PPP3CA: variants seen among roughly 807,000 people sequenced by gnomAD.
PPP3CA encodes the protein CAM-PRP catalytic subunit.
In PPP3CA, 14 loss-of-function variants were observed where a neutral mutation model predicts 66.5. The ratio of observed to expected loss-of-function variants is 0.21; its 90% CI spans 0.14 to 0.33. The LOEUF is 0.33. Ranked by LOEUF, PPP3CA falls within the 10% of genes least tolerant of loss-of-function variation. The pLI is 1.00. For synonymous variants in PPP3CA, 232 were observed against 226.2 expected, an observed-to-expected ratio of 1.03 and a Z score of -0.23; for missense variants, 317 against 639.5, an observed-to-expected ratio of 0.50 and a Z score of 5.44.
At chr4:101,090,587 AG>A in intron 6 of PPP3CA, among the ~76,000 whole-genome samples, 1 of 141,472 alleles carries the variant, frequency 7.1e-6, no homozygotes, top group Non-Finnish European at 1.5e-5. Flanking sequence ...GGTTGTGGTG[AG>A]CCGAGATCGC....
intron 2 of PPP3CA, among the ~76,000 whole-genome samples, chr4:101,131,066 G>T (rs191326290): frequency 1.3e-5 from 2 of 151,756 alleles, no homozygotes; most frequent in African/African-American, 4.8e-5. Flanking sequence ...GTGAAACCCC[G>T]TCTCTACTAA....
intron 2 of PPP3CA, among the ~76,000 whole-genome samples, chr4:101,191,045 G>A (rs1724585625): frequency 6.6e-6 from 1 of 152,186 alleles, no homozygotes. Context: ...TTTAAGGCAA[G>A]GTCTTCAGCT....
chr4:101,321,022 T>C (rs1045191464), intron 1 of PPP3CA, among the ~76,000 whole-genome samples: 1 of 152,228 alleles, frequency 6.6e-6, no homozygotes, highest in African/African-American at 2.4e-5. Context: ...GATGTTTGTG[T>C]ATGTGCTTAA....
At chr4:101,092,173 A>G (rs1292374723) in intron 6 of PPP3CA, among the ~76,000 whole-genome samples, 4 of 152,172 alleles carry the variant, frequency 2.6e-5, no homozygotes, top group African/African-American at 9.6e-5. Context: ...AAAATGTAAA[A>G]ATTATTATAA....
chr4:101,113,412 G>C (rs553683026), intron 2 of PPP3CA, among the ~76,000 whole-genome samples: 8 of 152,172 alleles, frequency 5.3e-5, no homozygotes, highest in African/African-American at 1.9e-4. Flanking sequence ...TATGTGTGGA[G>C]GAGATGAACA....
chr4:101,073,282 T>C (rs1306143521), intron 8 of PPP3CA, among the ~76,000 whole-genome samples: 2 of 150,172 alleles, frequency 1.3e-5, no homozygotes. Flanking sequence ...TTACATACTT[T>C]TTTTTTTTTT....
chr4:101,271,666 C>T (rs1727339936), intron 1 of PPP3CA, among the ~76,000 whole-genome samples: 1 of 152,184 alleles, frequency 6.6e-6, no homozygotes, highest in African/African-American at 2.4e-5. Context: ...CATGCCCCTT[C>T]CCCTCCCATC....
intron 1 of PPP3CA, among the ~76,000 whole-genome samples, chr4:101,287,748 A>T (rs1727889983): frequency 6.7e-6 from 1 of 148,920 alleles, no homozygotes. Flanking sequence ...AATAGTAGCT[A>T]GTGTTCTATT....
At chr4:101,238,399 GGTT>G (rs780457853) in intron 1 of PPP3CA, among the ~76,000 whole-genome samples, 2 of 151,402 alleles carry the variant, frequency 1.3e-5, no homozygotes, top group Admixed American at 6.6e-5. Flanking sequence ...AGAAATAACA[GGTT>G]TTTTTACAAT....
chr4:101,077,748 G>A (rs897198865), intron 8 of PPP3CA, among the ~76,000 whole-genome samples: 2 of 151,302 alleles, frequency 1.3e-5, no homozygotes, highest in African/African-American at 4.9e-5. Context: ...TTTCCTGAGA[G>A]ATTCTGATCT....
At chr4:101,057,303 G>A (rs1198628275) in intron 10 of PPP3CA, among the ~76,000 whole-genome samples, 2 of 151,942 alleles carry the variant, frequency 1.3e-5, no homozygotes, top group African/African-American at 2.4e-5. Flanking sequence ...GTGATCTGCC[G>A]GCCTTGGCCT....
At chr4:101,185,536 C>T (rs1724383898) in intron 2 of PPP3CA, among the ~76,000 whole-genome samples, 1 of 152,150 alleles carries the variant, frequency 6.6e-6, no homozygotes, top group African/African-American at 2.4e-5. Flanking sequence ...GCTCTTCAAA[C>T]ATTCTAATTT....
chr4:101,228,002 T>C (rs1006341042), intron 1 of PPP3CA, among the ~76,000 whole-genome samples: 1 of 151,662 alleles, frequency 6.6e-6, no homozygotes, highest in Admixed American at 6.6e-5. Flanking sequence ...TTCATGTCTT[T>C]GCTATGAACA....
At chr4:101,212,521 T>C (rs1418605763) in intron 1 of PPP3CA, among the ~76,000 whole-genome samples, 1 of 152,058 alleles carries the variant, frequency 6.6e-6, no homozygotes, top group Non-Finnish European at 1.5e-5. Flanking sequence ...CTGGGCTTAA[T>C]ACCTAGGTGA....
At chr4:101,232,039 CCAT>C (rs1725979471) in intron 1 of PPP3CA, among the ~76,000 whole-genome samples, 1 of 151,572 alleles carries the variant, frequency 6.6e-6, no homozygotes, top group Admixed American at 6.6e-5. Context: ...AAGATCAAGA[CCAT>C]CATCAAATTG....
chr4:101,299,390 G>T (rs1229030554), intron 1 of PPP3CA, among the ~76,000 whole-genome samples: 3 of 139,866 alleles, frequency 2.1e-5, no homozygotes, highest in South Asian at 2.3e-4. Context: ...TGTTTTTTGG[G>T]TTTTTTTTTT....
intron 2 of PPP3CA, among the ~76,000 whole-genome samples, chr4:101,162,715 CG>C (rs1413116494): frequency 7.9e-5 from 12 of 152,016 alleles, no homozygotes; most frequent in Non-Finnish European, 1.5e-4. Flanking sequence ...TATGCATGCA[CG>C]CTAATTACAT....
At chr4:101,281,472 C>T (rs1727681987) in intron 1 of PPP3CA, among the ~76,000 whole-genome samples, 1 of 152,114 alleles carries the variant, frequency 6.6e-6, no homozygotes, top group African/African-American at 2.4e-5. Context: ...AGTAAAGAAG[C>T]CTTGGCTCTT....
At position 101,235,323 on chromosome 4, in the gene PPP3CA, G is replaced by A. The variant is rs183775146; in HGVS notation, c.59-39207C>T. 2.2e-3 allele frequency among the ~76,000 whole-genome samples: 329 copies of A among 151,740 alleles called. 3 individuals are homozygous for A. Among genetic ancestry groups the A allele is most frequent in the African/African-American group, 7.4e-3 (305 of 41,416 alleles). On this transcript the variant is annotated intron_variant, in intron 1 of 13. Transcript: ENST00000394854. ...TTGGGATTCAAAGAATACTACTGAG[G>A]TTGCCCACTCTTCCTGCCAACTAGT...
Sources: gnomAD v4.1 joint callset for allele counts (sites outside exome capture counted in the v4.1 genomes callset) on GRCh38, gnomAD v4.1.1 for gene constraint, MANE v1.5 for transcripts, NCBI Gene and HGNC (gene_info 2026-07-23, HGNC 2026-07-21) for gene names.